The following CEP126 variants were observed in gnomAD, a reference collection of about 807,000 sequenced individuals.
CEP126 encodes the protein centrosomal protein of 126 kDa.
A neutral mutation model predicts 107.8 loss-of-function variants in CEP126; 74 were observed. The ratio of observed to expected loss-of-function variants is 0.69; its 90% CI spans 0.57 to 0.83. The LOEUF (loss-of-function observed/expected upper bound fraction) is 0.83, where lower values mean the gene tolerates loss of function less well. Among genes scored for constraint, CEP126 ranks in the 40% least tolerant of loss-of-function variants. The pLI, the probability that CEP126 is intolerant of heterozygous loss-of-function variation, is 0.00. For missense variants in CEP126, 1,237 were observed against 1,281.9 expected (o/e 0.96, Z 0.53); for synonymous variants, 449 against 446.0 (o/e 1.01, Z -0.08).
At chr11:101,940,593 G>A (rs1288846513) in intron 2 of CEP126, among the ~76,000 whole-genome samples, 1 of 152,158 alleles carries the variant, frequency 6.6e-6, no homozygotes, top group Admixed American at 6.5e-5. Context: ...ACTCAGATTT[G>A]TGCTGTGGTT....
intron 10 of CEP126, among the ~76,000 whole-genome samples, chr11:101,996,794 CTAATGTTCCCATAGGT>C (rs998483679): frequency 1.3e-5 from 2 of 152,098 alleles, no homozygotes; most frequent in African/African-American, 4.8e-5. Flanking sequence ...GAAGCAGGGG[CTAATGTTCCCATAGGT>C]TTCCTTCTGG....
intron 2 of CEP126, among the ~76,000 whole-genome samples, chr11:101,933,213 T>C (rs757673552): frequency 2.6e-5 from 4 of 152,174 alleles, no homozygotes; most frequent in East Asian, 1.9e-4. Flanking sequence ...ACTGAACTTA[T>C]GATACTTACA....
chr11:101,940,572 C>G (rs1489958753), intron 2 of CEP126, among the ~76,000 whole-genome samples: 1 of 152,174 alleles, frequency 6.6e-6, no homozygotes, highest in Non-Finnish European at 1.5e-5. Flanking sequence ...TTGGAAGTTT[C>G]ATGCTTTTGC....
In CEP126 at chr11:101,963,523, CAA is replaced by C. The variant is rs777560377; in HGVS notation, c.2491_2492del (p.Asn831HisfsTer5). 1.5e-5 allele frequency: 24 copies of C among 1,613,898 alleles called. No individual in the cohort carries two copies. Among genetic ancestry groups the C allele is most frequent in the Non-Finnish European group, 1.8e-5 (21 of 1,179,966 alleles). The part of the protein sequence containing the change: ...QCQPVTPENP[Q>X]NIITHNSFNS... ...TCAACCAGTAACTCCTGAAAATCCT[CAA>C]AACATTATTACACATAACTCTTTTA... On this transcript the variant is annotated frameshift_variant, in exon 6 of 11. Transcript: ENST00000263468. LOFTEE classifies it high-confidence loss of function.
chr11:101,946,893 C>G (rs941834836), intron 3 of CEP126, among the ~76,000 whole-genome samples: 2 of 152,132 alleles, frequency 1.3e-5, no homozygotes, highest in African/African-American at 4.8e-5. Flanking sequence ...AGAAGGAGAA[C>G]AGTGCCTCTA....
intron 7 of CEP126, among the ~76,000 whole-genome samples, chr11:101,981,619 C>T (rs1941255346): frequency 6.6e-6 from 1 of 152,118 alleles, no homozygotes; most frequent in South Asian, 2.1e-4. Flanking sequence ...TACCATCCAA[C>T]TCACTTTACC....
At chr11:101,922,524 T>TC in intron 1 of CEP126, 117 bp from the exon 2 acceptor site, 1 of 824,590 alleles carries the variant, frequency 1.2e-6, no homozygotes, top group Admixed American at 2.4e-5. Flanking sequence ...TACTAATTAT[T>TC]CCACAAAAAC....
rs565228534 is a variant in CEP126, at chr11:102,000,269, G to T, written c.*2626G>T. 9.9e-5 allele frequency: 15 copies of T among 152,258 alleles called. No individual in the cohort carries two copies. The highest frequency in any genetic ancestry group is 3.6e-4 in the African/African-American group (15 of 41,544). The allele number at this position is 152,258 out of a possible 1,614,324, so 9.4% of individuals were successfully genotyped here. Reference sequence around the variant, plus strand: ...AGAAAGAAAAATGCCCTTTCACACTGAATCTTCAAGTTCTAAGGAAGAAAA... The same window carrying T: ...AGAAAGAAAAATGCCCTTTCACACTTAATCTTCAAGTTCTAAGGAAGAAAA... On this transcript the variant is annotated 3_prime_UTR_variant, in exon 11 of 11. Coordinates refer to ENST00000263468, the MANE Select transcript of CEP126 (RefSeq NM_020802.4).
chr11:101,975,417 A>G (rs532590058), intron 6 of CEP126, among the ~76,000 whole-genome samples: 33 of 152,314 alleles, frequency 2.2e-4, no homozygotes, highest in Admixed American at 3.9e-4. Flanking sequence ...GTGAGACACA[A>G]TCAATCAGAA....
rs745950628 is a variant in CEP126, at chr11:101,992,786, G to A, written c.3253G>A (p.Glu1085Lys). The A allele has an allele frequency of 2.0e-6, 3 of 1,485,832 alleles. No homozygotes were observed. In the South Asian group the frequency reaches 3.9e-5, roughly 19 times the overall value. 92.0% of individuals were successfully genotyped at this position (1,485,832 alleles called of 1,614,324 possible). A position where few individuals can be genotyped will look rare whatever the true frequency, so the allele number is the denominator to read the frequency against. Residue 1085 changes from glutamate to lysine, a missense_variant, in exon 10 of 11, where the codon GAA (glutamate) becomes AAA (lysine). By Grantham distance (56) the Glu-to-Lys change is moderately conservative. Around this residue, in one of 3 missense-constraint regions of CEP126, gnomAD observed 99 missense variants for 114.4 expected, o/e 0.87. Transcript: ENST00000263468. Reference protein sequence around the residue: ...DLSERLHYIQESICKNPSIKN... With the variant: ...DLSERLHYIQKSICKNPSIKN... Reference sequence around the variant, plus strand: ...TGATATAATTATTTCAGATATACAAGAATCCATTTGCAAAAACCCATCCAT... The same window carrying A: ...TGATATAATTATTTCAGATATACAAAAATCCATTTGCAAAAACCCATCCAT...
chr11:101,928,764 AC>A (rs1434101292), intron 2 of CEP126, among the ~76,000 whole-genome samples: 2 of 152,122 alleles, frequency 1.3e-5, no homozygotes, highest in Non-Finnish European at 2.9e-5. Context: ...CTCCACCAAT[AC>A]CCCACAATTT....
chr11:101,940,914 G>A (rs368259292), intron 2 of CEP126, among the ~76,000 whole-genome samples: 1 of 152,286 alleles, frequency 6.6e-6, no homozygotes, highest in East Asian at 1.9e-4. Flanking sequence ...AAGTCACAGG[G>A]CCAGACTGAT....
intron 5 of CEP126, among the ~76,000 whole-genome samples, chr11:101,961,456 A>G (rs1940968378): frequency 6.6e-6 from 1 of 152,086 alleles, no homozygotes; most frequent in South Asian, 2.1e-4. Flanking sequence ...TGGAATAGCA[A>G]TAACAAAAAT....
In CEP126 at chr11:101,962,175, T is replaced by A; in HGVS notation, c.1140T>A (p.Asp380Glu). 6.2e-7 allele frequency: 1 copy of A among 1,613,724 alleles called. No homozygotes were observed. Among genetic ancestry groups the A allele is most frequent in the Middle Eastern group, 1.7e-4 (1 of 6,060 alleles). ...FVSSPPMFVL[D>E]KKCEKTSETS... is the part of the protein sequence containing the mutation. ...CTAGCCCACCCATGTTTGTACTAGA[T>A]AAAAAATGTGAAAAGACCTCTGAAA... Residue 380 changes from aspartate to glutamate, a missense_variant, in exon 6 of 11, where the codon GAT becomes GAA. Around this residue, in one of 3 missense-constraint regions of CEP126, gnomAD observed 1,134 missense variants for 1,150.5 expected, o/e 0.99. Coordinates refer to ENST00000263468, the MANE Select transcript of CEP126 (RefSeq NM_020802.4).
chr11:101,992,529 A>G lies in CEP126; in HGVS notation c.3245-249A>G, dbSNP rs142310808. 7.2e-5 allele frequency among the ~76,000 whole-genome samples: 11 copies of G among 152,262 alleles called. 1 individual carries two copies. In the East Asian group the frequency reaches 2.1e-3, roughly 29 times the overall value. ...GTAATATTTGAATGAAGATCGTTATATAATAGTCAAAGTACTAGGAATTAT... is the reference window on the plus strand; with the variant it reads ...GTAATATTTGAATGAAGATCGTTATGTAATAGTCAAAGTACTAGGAATTAT... On this transcript the variant is annotated intron_variant, in intron 9 of 10. Transcript: ENST00000263468.
At chr11:101,964,352 G>A (rs1306740380) in intron 6 of CEP126, among the ~76,000 whole-genome samples, 1 of 151,412 alleles carries the variant, frequency 6.6e-6, no homozygotes, top group African/African-American at 2.4e-5. Context: ...GTGATTTTTG[G>A]CCAGGCACGG....
rs1941459957 is a variant in CEP126, at chr11:101,997,727, A to G, written c.*84A>G. 5 of 1,588,400 alleles carry G rather than the reference A, an allele frequency of 3.1e-6. No homozygotes were observed. Among genetic ancestry groups the G allele is most frequent in the Non-Finnish European group, 4.3e-6 (5 of 1,163,902 alleles). Reference sequence around the variant, plus strand: ...CCGTTTTGTGAAAACCAGCCATAGGAAAACATGTGAGCAACAACCCCCATG... The same window carrying G: ...CCGTTTTGTGAAAACCAGCCATAGGGAAACATGTGAGCAACAACCCCCATG... On this transcript the variant is annotated 3_prime_UTR_variant, in exon 11 of 11. Transcript: ENST00000263468.
chr11:101,991,221 G>A (rs1354907864), intron 9 of CEP126, among the ~76,000 whole-genome samples: 2 of 151,786 alleles, frequency 1.3e-5, no homozygotes, highest in African/African-American at 2.4e-5. Flanking sequence ...TCCCTACTAA[G>A]TTTTTAAACA....
At chr11:101,970,292 A>T (rs1273982508) in intron 6 of CEP126, among the ~76,000 whole-genome samples, 2 of 152,254 alleles carry the variant, frequency 1.3e-5, no homozygotes, top group African/African-American at 2.4e-5. Context: ...GCTGAAAAGC[A>T]GCAGTGTGGG....
Sources: allele counts gnomAD v4.1 joint callset (sites outside exome capture counted in the v4.1 genomes callset), GRCh38; gene constraint gnomAD v4.1.1; regional missense constraint gnomAD v4.1.1; transcripts MANE v1.5; gene names NCBI Gene and HGNC (gene_info 2026-07-23, HGNC 2026-07-21).